Variants in VPS54 observed in about 807,000 individuals in gnomAD.
The protein encoded by VPS54 is VPS54 subunit of GARP complex.
A neutral mutation model predicts 121.5 loss-of-function variants in VPS54; 45 were observed. The observed-to-expected ratio is 0.37, with a 90% CI of 0.29 to 0.47. VPS54 has a LOEUF of 0.47. VPS54 is among the 20% of genes least tolerant of loss of function. VPS54 has a pLI of 0.99. For missense variants in VPS54, 1,090 were observed against 1,131.4 expected, an observed-to-expected ratio of 0.96 and a Z score of 0.52; for synonymous variants, 371 against 385.8, an observed-to-expected ratio of 0.96 and a Z score of 0.45.
intron 6 of VPS54, among the ~76,000 whole-genome samples, chr2:63,963,596 A>G (rs1675862676): frequency 6.6e-6 from 1 of 152,136 alleles, no homozygotes; most frequent in South Asian, 2.1e-4. Context: ...AACACAGAGT[A>G]TCATTCATAT....
chr2:63,953,323 G>C (rs1034176094), intron 7 of VPS54, among the ~76,000 whole-genome samples: 5 of 151,948 alleles, frequency 3.3e-5, no homozygotes, highest in Middle Eastern at 3.4e-3. Flanking sequence ...GTAAAAGACA[G>C]GGTTTCACCA....
At chr2:64,017,269 G>T (rs1370172501) in intron 1 of VPS54, among the ~76,000 whole-genome samples, 1 of 151,172 alleles carries the variant, frequency 6.6e-6, no homozygotes, top group African/African-American at 2.4e-5. Context: ...GCCGGTAGGC[G>T]GAGGTTGCGG....
At chr2:63,995,750 G>C (rs184915049) in intron 1 of VPS54, among the ~76,000 whole-genome samples, 3 of 152,352 alleles carry the variant, frequency 2.0e-5, no homozygotes, top group Admixed American at 2.0e-4. Flanking sequence ...GAATACTTCA[G>C]ATTTCCGTAT....
At chr2:63,955,310 T>C (rs906197027) in intron 7 of VPS54, among the ~76,000 whole-genome samples, 5 of 152,148 alleles carry the variant, frequency 3.3e-5, no homozygotes, top group Middle Eastern at 3.4e-3. Context: ...TTAGACCTAA[T>C]ATTGCTTGGC....
intron 8 of VPS54, among the ~76,000 whole-genome samples, 187 bp from the exon 9 acceptor site, chr2:63,947,677 A>T (rs969547537): frequency 6.6e-6 from 1 of 152,144 alleles, no homozygotes; most frequent in Non-Finnish European, 1.5e-5. Flanking sequence ...CAGTGCTGTA[A>T]AACAGATAAA....
chr2:63,956,502 C>T (rs758467963), intron 7 of VPS54, among the ~76,000 whole-genome samples: 21 of 152,086 alleles, frequency 1.4e-4, no homozygotes, highest in Non-Finnish European at 2.2e-4. Context: ...AGCTCAATTG[C>T]CCACAGTTTG....
At chr2:64,009,588 T>C (rs1678332842) in intron 1 of VPS54, among the ~76,000 whole-genome samples, 1 of 152,154 alleles carries the variant, frequency 6.6e-6, no homozygotes, top group African/African-American at 2.4e-5. Flanking sequence ...AGTGCTGGGA[T>C]TACAGGCGTG....
At chr2:63,981,280 T>C (rs1027982967) in intron 3 of VPS54, among the ~76,000 whole-genome samples, 6 of 152,140 alleles carry the variant, frequency 3.9e-5, no homozygotes, top group Non-Finnish European at 1.5e-5. Context: ...GGGTGCTCTA[T>C]AGAATTGTAT....
intron 5 of VPS54, among the ~76,000 whole-genome samples, chr2:63,967,815 A>G (rs78353531): frequency 0.031 from 4,765 of 151,968 alleles, 186 homozygotes; most frequent in African/African-American, 0.095. Context: ...ATGTTATGGG[A>G]ATTTGGCAAA....
At chr2:63,920,080 G>C in intron 14 of VPS54, 85 bp from the exon 15 acceptor site, 1 of 1,143,630 alleles carries the variant, frequency 8.7e-7, no homozygotes, top group South Asian at 1.6e-5. Context: ...AAGAAGAGCT[G>C]AGTGAGAACA....
At chr2:63,983,834 TA>T in intron 2 of VPS54, 29 bp downstream of exon 2, 1 of 1,570,562 alleles carries the variant, frequency 6.4e-7, no homozygotes, top group Non-Finnish European at 8.6e-7. Flanking sequence ...AAATCATCAG[TA>T]AAAATCCTAC....
chr2:63,894,302 G>T (rs928259281), intron 22 of VPS54, among the ~76,000 whole-genome samples: 1 of 152,156 alleles, frequency 6.6e-6, no homozygotes, highest in East Asian at 1.9e-4. Context: ...CTGAAGAAAT[G>T]GTCACACCAT....
At chr2:63,939,241 G>A (rs1055833351) in intron 11 of VPS54, among the ~76,000 whole-genome samples, 5 of 151,974 alleles carry the variant, frequency 3.3e-5, no homozygotes, top group Admixed American at 2.6e-4. Context: ...ACATGGTGGC[G>A]TGCGCCTATA....
chr2:63,940,569 T>C (rs1423932352), intron 11 of VPS54, among the ~76,000 whole-genome samples: 1 of 152,184 alleles, frequency 6.6e-6, no homozygotes, highest in African/African-American at 2.4e-5. Context: ...TACAGCAGGT[T>C]TTTGAATAAC....
At chr2:63,935,579 A>G (rs1674417623) in intron 11 of VPS54, among the ~76,000 whole-genome samples, 1 of 152,148 alleles carries the variant, frequency 6.6e-6, no homozygotes, top group Admixed American at 6.6e-5. Context: ...TCCAACATCT[A>G]TTCTACATCA....
chr2:63,950,099 A>T (rs889676426), intron 7 of VPS54, among the ~76,000 whole-genome samples: 34 of 152,260 alleles, frequency 2.2e-4, no homozygotes, highest in African/African-American at 7.9e-4. Context: ...TTATCTTGAA[A>T]TCCTTCATTC....
In VPS54 at chr2:63,917,314, C is replaced by A. The variant is rs75449436; in HGVS notation, c.2165-351G>T. Among the ~76,000 whole-genome samples, 169 of 152,092 alleles carry A rather than the reference C, an allele frequency of 1.1e-3. 1 individual carries two copies. The East Asian group carries it at 0.031, about 28-fold the overall frequency. ...AACTGCCTATCCCTTAGGGCTGGCA[C>A]AAGGTAAATGATCAGCAAATAGTTT... On this transcript the variant is annotated intron_variant, in intron 15 of 22. Transcript: ENST00000272322.
chr2:64,016,107 G>A (rs561943294), intron 1 of VPS54, among the ~76,000 whole-genome samples: 2 of 152,160 alleles, frequency 1.3e-5, no homozygotes, highest in Admixed American at 6.5e-5. Flanking sequence ...AACTAATAGC[G>A]AGGTAAGCAG....
rs1383777115 is a variant in VPS54, at chr2:63,960,251, T to C, written c.1010+1807A>G. Among the ~76,000 whole-genome samples the C allele has an allele frequency of 2.6e-5, 4 of 152,012 alleles. No homozygotes were observed. In the East Asian group the frequency reaches 7.7e-4, roughly 29 times the overall value. ...AAAACCCTGTCTCGAAATAAATACA[T>C]ACGTAAATAATAGACATTTTTAAAT... On this transcript the variant is annotated intron_variant, in intron 7 of 22. Coordinates refer to ENST00000272322, the MANE Select transcript of VPS54 (RefSeq NM_016516.3).
Sources: gnomAD v4.1 joint callset for allele counts (sites outside exome capture counted in the v4.1 genomes callset) on GRCh38, gnomAD v4.1.1 for gene constraint, MANE v1.5 for transcripts, NCBI Gene and HGNC (gene_info 2026-07-23, HGNC 2026-07-21) for gene names.